The following MAP4K3 variants were observed in gnomAD, a reference collection of about 807,000 sequenced individuals.
MAP4K3 encodes the protein mitogen-activated protein kinase kinase kinase kinase 3.
Under a neutral mutation model 143.5 loss-of-function variants are expected in MAP4K3, and 94 were observed. The ratio of observed to expected loss-of-function variants is 0.65; its 90% CI spans 0.55 to 0.78. The LOEUF is 0.78. Among genes scored for constraint, MAP4K3 ranks in the 30% least tolerant of loss-of-function variants. The pLI is 0.00. For synonymous variants in MAP4K3, 416 were observed against 347.2 expected (o/e 1.20, Z -2.20); for missense variants, 1,077 against 1,068.1 (o/e 1.01, Z -0.12).
At position 39,389,128 on chromosome 2, in the gene MAP4K3, A is replaced by G. The variant is rs973799435; in HGVS notation, c.97-11005T>C. Among the ~76,000 whole-genome samples, 10 of 152,352 alleles carry G rather than the reference A, an allele frequency of 6.6e-5. 2 individuals are homozygous for G. In the South Asian group the frequency reaches 2.1e-3, roughly 32 times the overall value. On this transcript the variant is annotated intron_variant, in intron 1 of 33. Coordinates refer to ENST00000263881, the MANE Select transcript of MAP4K3 (RefSeq NM_003618.4). ...AAGTTAACACTAGAAATAAATAAAT[A>G]CATGGGTCAGAAGCAAGAGGCTAAC...
rs927404962 is a variant in MAP4K3, at chr2:39,348,303, T to C, written c.246-4851A>G. Among the ~76,000 whole-genome samples, 6 of 152,218 alleles carry C rather than the reference T, an allele frequency of 3.9e-5. No individual in the cohort carries two copies. In the South Asian group the frequency reaches 1.0e-3, roughly 26 times the overall value. On this transcript the variant is annotated intron_variant, in intron 3 of 33. Coordinates refer to ENST00000263881, the MANE Select transcript of MAP4K3 (RefSeq NM_003618.4). ...TCCTTTGCTTAAATATACAATTTTC[T>C]ATTCATCCTATGTAAAATGACTTTC...
chr2:39,404,150 C>A (rs1029471362), intron 1 of MAP4K3, among the ~76,000 whole-genome samples: 1 of 151,998 alleles, frequency 6.6e-6, no homozygotes, highest in Non-Finnish European at 1.5e-5. Flanking sequence ...CCAGCGCATG[C>A]CCAGTTGTGG....
intron 1 of MAP4K3, among the ~76,000 whole-genome samples, chr2:39,424,476 C>T (rs1360557175): frequency 2.0e-5 from 3 of 151,910 alleles, no homozygotes; most frequent in Non-Finnish European, 4.4e-5. Context: ...CGGAGACCCC[C>T]GAATAATGCT....
At position 39,331,338 on chromosome 2, in the gene MAP4K3, G is replaced by A. The variant is rs549659303; in HGVS notation, c.530+579C>T. Among the ~76,000 whole-genome samples the A allele has an allele frequency of 4.6e-5, 7 of 152,194 alleles. No homozygotes were observed. In the East Asian group the frequency reaches 9.7e-4, roughly 21 times the overall value. On this transcript the variant is annotated intron_variant, in intron 8 of 33. Coordinates refer to ENST00000263881, the MANE Select transcript of MAP4K3 (RefSeq NM_003618.4). ...AAAACTATTCTGTAAATAAATATGC[G>A]AGTAGGATAGTTTTTATACTATGAT...
intron 12 of MAP4K3, among the ~76,000 whole-genome samples, chr2:39,320,608 T>C (rs1174957465): frequency 6.6e-6 from 1 of 152,144 alleles, no homozygotes; most frequent in Non-Finnish European, 1.5e-5. Flanking sequence ...GCCAACTTCA[T>C]ACAGGAATAT....
At chr2:39,332,358 T>G (rs58019817) in intron 7 of MAP4K3, among the ~76,000 whole-genome samples, 11,204 of 152,064 alleles carry the variant, frequency 0.074, 1,399 homozygotes, top group African/African-American at 0.26. Context: ...GAAGGGATCT[T>G]TAAGAGACAT....
intron 14 of MAP4K3, 122 bp downstream of exon 14, chr2:39,309,338 TG>T: frequency 1.5e-6 from 1 of 672,698 alleles, no homozygotes; most frequent in Non-Finnish European, 2.5e-6. Context: ...TTGACCAGGC[TG>T]GGACCTCGAA....
At chr2:39,369,495 A>C (rs1046437855) in intron 2 of MAP4K3, among the ~76,000 whole-genome samples, 3 of 152,000 alleles carry the variant, frequency 2.0e-5, no homozygotes, top group Admixed American at 2.0e-4. Context: ...TCAGTTTTCC[A>C]CTTCTTATTT....
intron 12 of MAP4K3, among the ~76,000 whole-genome samples, chr2:39,321,468 G>A (rs1302934871): frequency 6.6e-6 from 1 of 152,142 alleles, no homozygotes; most frequent in Non-Finnish European, 1.5e-5. Flanking sequence ...AGGCCGCAGG[G>A]ACCTCCGCCT....
At chr2:39,436,790 G>A (rs1453045301) in intron 1 of MAP4K3, 102 bp downstream of exon 1, 1 of 973,602 alleles carries the variant, frequency 1.0e-6, no homozygotes, top group Non-Finnish European at 1.6e-6. Context: ...CTGCTCCCTG[G>A]CGCCAGCGTC....
At chr2:39,393,990 C>T (rs900085307) in intron 1 of MAP4K3, among the ~76,000 whole-genome samples, 2 of 152,162 alleles carry the variant, frequency 1.3e-5, no homozygotes, top group African/African-American at 2.4e-5. Flanking sequence ...TATGCTTTCT[C>T]ATGACATAAA....
At position 39,343,462 on chromosome 2, in the gene MAP4K3, G is replaced by T. The variant is rs1665198302; in HGVS notation, c.246-10C>A. The T allele has an allele frequency of 6.2e-7, 1 of 1,609,580 alleles. No individual in the cohort carries two copies. Among genetic ancestry groups the T allele is most frequent in the Admixed American group, 1.7e-5 (1 of 59,768 alleles). On this transcript the variant is annotated splice_polypyrimidine_tract_variant and intron_variant, in intron 3 of 33. Coordinates refer to ENST00000263881, the MANE Select transcript of MAP4K3 (RefSeq NM_003618.4). Reference sequence around the variant, plus strand: ...CCAAAGCTTATCTCGCCTATAAAGAGAAAAGAAGCATGTATCATATTTTCA... The same window carrying T: ...CCAAAGCTTATCTCGCCTATAAAGATAAAAGAAGCATGTATCATATTTTCA...
chr2:39,395,542 CTATT>C (rs1017890345), intron 1 of MAP4K3, among the ~76,000 whole-genome samples: 1 of 152,186 alleles, frequency 6.6e-6, no homozygotes, highest in Non-Finnish European at 1.5e-5. Flanking sequence ...CCCTTTCTCA[CTATT>C]AGGGTAAGCT....
intron 16 of MAP4K3, among the ~76,000 whole-genome samples, chr2:39,295,123 T>C (rs1342009463): frequency 6.6e-6 from 1 of 151,656 alleles, no homozygotes; most frequent in East Asian, 1.9e-4. Flanking sequence ...CATAAAAAAA[T>C]GTTATTAGTG....
At chr2:39,339,683 T>C (rs1353411987) in intron 4 of MAP4K3, among the ~76,000 whole-genome samples, 1 of 152,150 alleles carries the variant, frequency 6.6e-6, no homozygotes, top group East Asian at 1.9e-4. Flanking sequence ...ACTAGGGATT[T>C]TGGCTGTCAT....
intron 12 of MAP4K3, among the ~76,000 whole-genome samples, chr2:39,316,402 A>C (rs139173062): frequency 0.018 from 2,679 of 152,270 alleles, 30 homozygotes; most frequent in South Asian, 0.035. Flanking sequence ...AAATGATTAC[A>C]AGAAAGGCTA....
intron 32 of MAP4K3, among the ~76,000 whole-genome samples, chr2:39,252,438 G>A (rs1680187186): frequency 6.6e-6 from 1 of 152,190 alleles, no homozygotes; most frequent in South Asian, 2.1e-4. Flanking sequence ...TTCTTATAAG[G>A]ATTAGTGGGT....
At chr2:39,338,839 T>A (rs1017233483) in intron 4 of MAP4K3, among the ~76,000 whole-genome samples, 1 of 152,332 alleles carries the variant, frequency 6.6e-6, no homozygotes, top group Non-Finnish European at 1.5e-5. Context: ...ACAGTGTGTG[T>A]GCACTCTATG....
chr2:39,336,203 G>A (rs1664950767), intron 6 of MAP4K3, among the ~76,000 whole-genome samples: 1 of 152,038 alleles, frequency 6.6e-6, no homozygotes, highest in Non-Finnish European at 1.5e-5. Context: ...AGGACACAGT[G>A]GCTCACGTCT....
Sources: gnomAD v4.1 joint callset for allele counts (sites outside exome capture counted in the v4.1 genomes callset) on GRCh38, gnomAD v4.1.1 for gene constraint, MANE v1.5 for transcripts, NCBI Gene and HGNC (gene_info 2026-07-23, HGNC 2026-07-21) for gene names.